Variants in PALLD observed in about 807,000 individuals in gnomAD.
The protein encoded by PALLD is palladin.
A neutral mutation model predicts 123.5 loss-of-function variants in PALLD; 61 were observed. The ratio of observed to expected loss-of-function variants is 0.49; its 90% CI spans 0.40 to 0.61. The LOEUF (loss-of-function observed/expected upper bound fraction) is 0.61. Among genes scored for constraint, PALLD ranks in the 20% least tolerant of loss-of-function variants. The pLI, the probability that PALLD is intolerant of heterozygous loss-of-function variation, is 0.00. For missense variants in PALLD, 1,273 were observed against 1,377.0 expected (o/e 0.92, Z 1.20); for synonymous variants, 465 against 496.4 (o/e 0.94, Z 0.84).
At position 168,773,436 on chromosome 4, in the gene PALLD, A is replaced by G. The variant is rs527363888; in HGVS notation, c.1964+61513A>G. Among the ~76,000 whole-genome samples the G allele has an allele frequency of 3.9e-5, 6 of 152,316 alleles. No homozygotes were observed. In the East Asian group the frequency reaches 5.8e-4, roughly 15 times the overall value. On this transcript the variant is annotated intron_variant, in intron 10 of 21. Transcript: ENST00000505667. The stretch of plus-strand genomic sequence containing the variant: ...ATTTAATCATGAAGATTTAAAGTTT[A>G]TAAGTTTAGAAATTCAGGGATAAAA...
chr4:168,572,009 T>C (rs1769041589), intron 2 of PALLD, among the ~76,000 whole-genome samples: 1 of 152,126 alleles, frequency 6.6e-6, no homozygotes, highest in Admixed American at 6.6e-5. Flanking sequence ...GATGAATCTA[T>C]TGTAGTATGG....
intron 3 of PALLD, among the ~76,000 whole-genome samples, chr4:168,673,301 A>G (rs1022221700): frequency 2.0e-5 from 3 of 152,208 alleles, no homozygotes; most frequent in Non-Finnish European, 4.4e-5. Context: ...GTGATCAGGA[A>G]GCCTGCTCCA....
chr4:168,834,330 A>C (rs776582578), intron 10 of PALLD, among the ~76,000 whole-genome samples: 4 of 152,212 alleles, frequency 2.6e-5, no homozygotes, highest in Non-Finnish European at 5.9e-5. Flanking sequence ...GTCCCAGGTG[A>C]GGACCACTGA....
chr4:168,592,036 A>G (rs1441571531), intron 2 of PALLD, among the ~76,000 whole-genome samples: 1 of 87,610 alleles, frequency 1.1e-5, no homozygotes, highest in Non-Finnish European at 2.4e-5. Flanking sequence ...TTTTTTTTTG[A>G]GATGGAGTCG....
chr4:168,625,902 A>G (rs1318235855), intron 2 of PALLD, among the ~76,000 whole-genome samples: 1 of 152,146 alleles, frequency 6.6e-6, no homozygotes, highest in Non-Finnish European at 1.5e-5. Context: ...TCTCAAAAAG[A>G]TATTTGCTCA....
intron 10 of PALLD, among the ~76,000 whole-genome samples, chr4:168,788,647 A>G (rs905899626): frequency 6.6e-6 from 1 of 152,098 alleles, no homozygotes; most frequent in Non-Finnish European, 1.5e-5. Context: ...ATGTGTCATG[A>G]GGGTCATCAG....
At chr4:168,794,911 T>C (rs1738265646) in intron 10 of PALLD, among the ~76,000 whole-genome samples, 1 of 152,164 alleles carries the variant, frequency 6.6e-6, no homozygotes, top group African/African-American at 2.4e-5. Flanking sequence ...ACTGGGTGGC[T>C]TATAAGTAAT....
rs575962899 is a variant in PALLD at position 168,878,424 on chromosome 4, C to T, written c.1965-12498C>T. 3.8e-4 allele frequency: 550 copies of T among 1,440,670 alleles called. 4 individuals carry two copies. In the East Asian group the frequency reaches 0.012, roughly 32 times the overall value. The allele number at this position is 1,440,670 out of a possible 1,614,324, so 89.2% of individuals were successfully genotyped here. On this transcript the variant is annotated intron_variant, in intron 10 of 21. Coordinates refer to ENST00000505667, the MANE Select transcript of PALLD (RefSeq NM_001166108.2). ...GTAACCGCCGCGGTCCTCCACTTCCCTGCCCCTCCGCCTCGGGTCGCCCTG... is the reference window on the plus strand; with the variant it reads ...GTAACCGCCGCGGTCCTCCACTTCCTTGCCCCTCCGCCTCGGGTCGCCCTG...
At chr4:168,924,867 C>A in intron 19 of PALLD, 78 bp from the exon 20 acceptor site, 1 of 1,393,622 alleles carries the variant, frequency 7.2e-7, no homozygotes, top group Non-Finnish European at 1.0e-6. Context: ...TTCTAATGAT[C>A]TAATTAAAAA....
Position 168,607,842 on chromosome 4 carries a change from G to T in PALLD, c.909-60348G>T, listed in dbSNP as rs949662080. ...GCAAAAATAAAAGAGTATTATTAGG[G>T]TAAGAGAAATGAAAGACAGGGTTCA... On this transcript the variant is annotated intron_variant, in intron 2 of 21. Transcript: ENST00000505667. Among the ~76,000 whole-genome samples, 4 of 152,278 alleles carry T rather than the reference G, an allele frequency of 2.6e-5. No individual in the cohort carries two copies. In the East Asian group the frequency reaches 7.7e-4, roughly 29 times the overall value.
At chr4:168,841,669 G>A (rs1380761314) in intron 10 of PALLD, among the ~76,000 whole-genome samples, 1 of 152,142 alleles carries the variant, frequency 6.6e-6, no homozygotes, top group African/African-American at 2.4e-5. Flanking sequence ...CTGAGCTCCT[G>A]GGTAAGCTCC....
intron 10 of PALLD, among the ~76,000 whole-genome samples, chr4:168,889,167 G>GTGTGTGTGTGTGTGT: frequency 2.4e-5 from 1 of 41,474 alleles, no homozygotes; most frequent in South Asian, 1.2e-3. Flanking sequence ...TGTGTGTGTG[G>GTGTGTGTGTGTGTGT]TTTTTTTTTT....
chr4:168,606,345 C>T (rs563609404), intron 2 of PALLD, among the ~76,000 whole-genome samples: 2 of 152,126 alleles, frequency 1.3e-5, no homozygotes, highest in African/African-American at 4.8e-5. Flanking sequence ...ACTTGCCCCG[C>T]GTCAGCTGGA....
intron 10 of PALLD, among the ~76,000 whole-genome samples, chr4:168,714,159 C>T (rs1785115724): frequency 6.6e-6 from 1 of 151,928 alleles, no homozygotes; most frequent in Non-Finnish European, 1.5e-5. Context: ...TCAGTGGATG[C>T]TTGATGTGAC....
intron 2 of PALLD, among the ~76,000 whole-genome samples, chr4:168,578,737 T>C (rs1769915717): frequency 6.6e-6 from 1 of 152,014 alleles, no homozygotes; most frequent in African/African-American, 2.4e-5. Flanking sequence ...AGATGATTGA[T>C]AGATATCATA....
At chr4:168,714,837 G>T (rs1372158801) in intron 10 of PALLD, among the ~76,000 whole-genome samples, 2 of 151,302 alleles carry the variant, frequency 1.3e-5, no homozygotes, top group Non-Finnish European at 2.9e-5. Flanking sequence ...GATGTCTGGG[G>T]GAAAGAAGAT....
At position 168,898,523 on chromosome 4, in the gene PALLD, C is replaced by T. The variant is rs1755765703; in HGVS notation, c.2281C>T (p.Leu761Phe). 4 of 1,613,450 alleles carry T rather than the reference C, an allele frequency of 2.5e-6. No homozygotes were observed. The highest frequency in any genetic ancestry group is 3.4e-6 in the Non-Finnish European group (4 of 1,179,366). The part of the protein sequence containing the change: ...EYKVSSCEQR[L>F]ISEIEYRLER... ...CAAAGTCTCCAGCTGTGAACAGAGA[C>T]TCATCAGTGAAATAGAGTACAGGCT... The change falls in exon 14 of 22, where the codon CTC becomes TTC. Residue 761 changes from leucine (L) to phenylalanine (F), a missense_variant. By Grantham distance (22) the Leu-to-Phe change is conservative. This residue lies in a region of PALLD where 944 missense variants were observed against 954.5 expected (regional missense o/e 0.99). Coordinates refer to ENST00000505667, the MANE Select transcript of PALLD (RefSeq NM_001166108.2).
At chr4:168,736,139 C>T (rs970630171) in intron 10 of PALLD, among the ~76,000 whole-genome samples, 1 of 152,226 alleles carries the variant, frequency 6.6e-6, no homozygotes, top group Non-Finnish European at 1.5e-5. Flanking sequence ...TGAGTCTATT[C>T]GTTGCCGCAA....
intron 3 of PALLD, among the ~76,000 whole-genome samples, chr4:168,675,743 G>A (rs192868943): frequency 1.1e-3 from 160 of 152,132 alleles, no homozygotes; most frequent in African/African-American, 3.7e-3. Context: ...TAAAATGTAC[G>A]GATAAAAAGA....
Sources: gnomAD v4.1 joint callset for allele counts (sites outside exome capture counted in the v4.1 genomes callset) on GRCh38, gnomAD v4.1.1 for gene constraint, gnomAD v4.1.1 regional missense constraint, MANE v1.5 for transcripts, NCBI Gene and HGNC (gene_info 2026-07-23, HGNC 2026-07-21) for gene names.